ACSF3: variants seen among roughly 807,000 people sequenced by gnomAD.
ACSF3 encodes malonate--CoA ligase ACSF3, mitochondrial.
A neutral mutation model predicts 53.2 loss-of-function variants in ACSF3; 78 were observed. The ratio of observed to expected loss-of-function variants is 1.47; its 90% CI spans 1.22 to 1.77. The LOEUF is 1.77. ACSF3 is among the 40% of genes most tolerant of loss of function. The probability of loss-of-function intolerance (pLI) is 0.00; values close to 1 mark genes in which losing one functional copy is unlikely to be tolerated. For synonymous variants in ACSF3, 414 were observed against 333.1 expected, an observed-to-expected ratio of 1.24 and a Z score of -2.65; for missense variants, 937 against 771.1, an observed-to-expected ratio of 1.22 and a Z score of -2.55.
chr16:89,133,128 C>T lies in ACSF3; in HGVS notation c.1240-8C>T, dbSNP rs1598040505. The T allele has an allele frequency of 6.2e-7, 1 of 1,613,608 alleles. No homozygotes were observed. The highest frequency in any genetic ancestry group is 1.7e-5 in the Admixed American group (1 of 60,032). ...AGCTCTGACCTCCATGTTCTTCATC[C>T]TCCACAGGTGACCCCAGGGTTTGAA... is the stretch of plus-strand genomic sequence containing the variant. On this transcript the variant is annotated splice_polypyrimidine_tract_variant and splice_region_variant and intron_variant, in intron 7 of 10. Transcript: ENST00000614302.
Position 89,155,932 on chromosome 16 carries a change from G to C in ACSF3, c.*1725G>C, listed in dbSNP as rs1914661971. The C allele has an allele frequency of 8.2e-6, 3 of 368,094 alleles. No homozygotes were observed. The highest frequency in any genetic ancestry group is 1.6e-5 in the Non-Finnish European group (3 of 188,894). 22.8% of individuals were successfully genotyped at this position (368,094 alleles called of 1,614,324 possible). On this transcript the variant is annotated 3_prime_UTR_variant, in exon 11 of 11. Transcript: ENST00000614302. ...AACTACAGAAAGCCTGGAGCTCATT[G>C]ACCAGAAACTGCAGAGAGCCTGGAG... is the stretch of plus-strand genomic sequence containing the variant.
chr16:89,114,354 C>T lies in ACSF3; in HGVS notation c.993C>T (p.Gly331=). 6.2e-7 allele frequency: 1 copy of T among 1,614,066 alleles called. No individual in the cohort carries two copies. ...TGCCGCGTAGGCTGATGGTCTCAGG[C>T]TCAGCTGCCCTGCCCCTCCCAGTGC... ...CEEKIRLMVS[G]SAALPLPVLE... is the part of the protein sequence containing the mutation. Residue 331 remains glycine, a synonymous_variant, in exon 6 of 11, where the codon GGC becomes GGT. Transcript: ENST00000614302.
intron 6 of ACSF3, among the ~76,000 whole-genome samples, chr16:89,120,174 T>C (rs1906282388): frequency 6.6e-6 from 1 of 151,620 alleles, no homozygotes; most frequent in African/African-American, 2.4e-5. Context: ...CCCCGGCCAG[T>C]GTAAGATATG....
intron 7 of ACSF3, among the ~76,000 whole-genome samples, chr16:89,129,392 G>A (rs1841665362): frequency 2.6e-5 from 4 of 151,844 alleles, no homozygotes; most frequent in African/African-American, 7.3e-5. Flanking sequence ...CTCTGGTAAT[G>A]CTCTTTGCTC....
intron 4 of ACSF3, among the ~76,000 whole-genome samples, chr16:89,108,684 TG>T: frequency 6.6e-6 from 1 of 152,334 alleles, no homozygotes; most frequent in East Asian, 1.9e-4. Context: ...AGGATGGTTC[TG>T]AGTTTCATCC....
chr16:89,135,071 GT>G (rs76337118), intron 8 of ACSF3, among the ~76,000 whole-genome samples: 11,412 of 115,584 alleles, frequency 0.099, 1,020 homozygotes, highest in East Asian at 0.62. Context: ...TCTTTTCCTG[GT>G]TTTTTTTTTT....
chr16:89,132,928 G>A (rs747959056), intron 7 of ACSF3, among the ~76,000 whole-genome samples: 16 of 152,258 alleles, frequency 1.1e-4, no homozygotes, highest in Non-Finnish European at 7.3e-5. Flanking sequence ...AGGGCCCACA[G>A]AGGACGGCGG....
chr16:89,151,087 G>A lies in ACSF3; in HGVS notation c.1614-3003G>A, dbSNP rs748037972. ...AGCATTCTAAATATCGGAAGGAAAC[G>A]AAACCTCGCCTCAGGCATGCGGGCT... On this transcript the variant is annotated intron_variant, in intron 10 of 10. Transcript: ENST00000614302. 20 of 1,277,018 alleles carry A rather than the reference G, an allele frequency of 1.6e-5. No individual in the cohort carries two copies. The South Asian group carries it at 1.6e-4, about 10-fold the overall frequency. 79.1% of individuals were successfully genotyped at this position (1,277,018 alleles called of 1,614,324 possible). A position where few individuals can be genotyped will look rare whatever the true frequency, so the allele number is the denominator to read the frequency against.
At chr16:89,137,068 GC>G (rs1272810932) in intron 8 of ACSF3, among the ~76,000 whole-genome samples, 4 of 152,224 alleles carry the variant, frequency 2.6e-5, no homozygotes, top group African/African-American at 9.6e-5. Flanking sequence ...CCTCTGCCGG[GC>G]AGATGCGGGA....
intron 6 of ACSF3, 144 bp downstream of exon 6, chr16:89,114,631 C>A: frequency 2.5e-6 from 3 of 1,222,402 alleles, no homozygotes; most frequent in Non-Finnish European, 3.5e-6. Context: ...GCCAGGAGAG[C>A]ACTCAGGATG....
Position 89,098,572 on chromosome 16 carries a change from C to A in ACSF3, c.-193-19C>A. 1 of 447,772 alleles carries A rather than the reference C, an allele frequency of 2.2e-6. No individual in the cohort carries two copies. Among genetic ancestry groups the A allele is most frequent in the South Asian group, 1.6e-5 (1 of 63,918 alleles). 27.7% of individuals were successfully genotyped at this position (447,772 alleles called of 1,614,324 possible). On this transcript the variant is annotated intron_variant, in intron 1 of 10. Coordinates refer to ENST00000614302, the MANE Select transcript of ACSF3 (RefSeq NM_001243279.3). ...TTATACACACAGCCTGGGACCTCAG[C>A]ACAGATGCCCGTTGACAGGTGTCCC...
intron 1 of ACSF3, chr16:89,095,279 A>G (rs1252495240): frequency 6.6e-6 from 1 of 151,854 alleles, no homozygotes; most frequent in African/African-American, 2.4e-5. Flanking sequence ...GAAATGGCGG[A>G]TTAAACTGTG....
intron 7 of ACSF3, chr16:89,122,495 G>T (rs1173928077): frequency 4.9e-6 from 2 of 405,784 alleles, no homozygotes; most frequent in Non-Finnish European, 1.0e-5. Flanking sequence ...GCCCTTCCTG[G>T]CTCTCAAGTC....
At chr16:89,133,371 C>A in intron 8 of ACSF3, 109 bp downstream of exon 8, 1 of 1,489,388 alleles carries the variant, frequency 6.7e-7, no homozygotes, top group Non-Finnish European at 9.2e-7. Flanking sequence ...AATTTTCAGC[C>A]AAAGGCAGAA....
At chr16:89,110,242 A>C (rs1206571019) in intron 4 of ACSF3, among the ~76,000 whole-genome samples, 6 of 152,316 alleles carry the variant, frequency 3.9e-5, no homozygotes, top group Admixed American at 3.3e-4. Context: ...TGTCATGAAG[A>C]TATTCCCTTT....
chr16:89,153,490 C>T (rs577151080), intron 10 of ACSF3: 4 of 154,026 alleles, frequency 2.6e-5, no homozygotes, highest in African/African-American at 7.3e-5. Flanking sequence ...ACCGAGTTCT[C>T]GCCCATGAGG....
intron 10 of ACSF3, chr16:89,150,126 A>T (rs1272601690): frequency 6.6e-6 from 1 of 152,224 alleles, no homozygotes; most frequent in Non-Finnish European, 1.5e-5. Context: ...CACCTACAGC[A>T]AATTATTTAA....
chr16:89,131,530 T>C (rs1418862035), intron 7 of ACSF3, among the ~76,000 whole-genome samples: 1 of 151,972 alleles, frequency 6.6e-6, no homozygotes, highest in Non-Finnish European at 1.5e-5. Flanking sequence ...CCGTGTTGAG[T>C]AACTTTGTAT....
At chr16:89,128,504 C>T (rs1908620430) in intron 7 of ACSF3, among the ~76,000 whole-genome samples, 1 of 152,158 alleles carries the variant, frequency 6.6e-6, no homozygotes, top group Non-Finnish European at 1.5e-5. Context: ...AAGTGATCCA[C>T]CCACCTCGGC....
Sources: gnomAD v4.1 joint callset for allele counts (sites outside exome capture counted in the v4.1 genomes callset) on GRCh38, gnomAD v4.1.1 for gene constraint, MANE v1.5 for transcripts, NCBI Gene and HGNC (gene_info 2026-07-23, HGNC 2026-07-21) for gene names.